Variants in SEMA3A observed in about 807,000 individuals in gnomAD.
SEMA3A encodes the protein semaphorin-3A.
A neutral mutation model predicts 97.9 loss-of-function variants in SEMA3A; 29 were observed. The ratio of observed to expected loss-of-function variants is 0.30; its 90% CI spans 0.22 to 0.40. The LOEUF is 0.40. Among genes scored for constraint, SEMA3A ranks in the 10% least tolerant of loss-of-function variants. The pLI is 1.00. For synonymous variants in SEMA3A, 321 were observed against 323.7 expected (o/e 0.99, Z 0.09); for missense variants, 763 against 951.3 (o/e 0.80, Z 2.60).
chr7:84,257,595 T>C (rs1417333838), intron 3 of SEMA3A, among the ~76,000 whole-genome samples: 1 of 152,148 alleles, frequency 6.6e-6, no homozygotes, highest in African/African-American at 2.4e-5. Context: ...CTCTGAAACA[T>C]TAATCCCCAC....
chr7:84,462,345 A>G (rs1480858481), intron 1 of SEMA3A, among the ~76,000 whole-genome samples: 1 of 152,208 alleles, frequency 6.6e-6, no homozygotes, highest in Admixed American at 6.5e-5. Flanking sequence ...TTAATCAAGT[A>G]ACAAGAAATG....
chr7:84,216,913 T>A (rs1336764819), intron 3 of SEMA3A, among the ~76,000 whole-genome samples: 2 of 152,086 alleles, frequency 1.3e-5, no homozygotes, highest in Non-Finnish European at 2.9e-5. Context: ...AAAAATTGAG[T>A]CAAAAGAGCT....
At chr7:84,172,286 A>T (rs1050244427) in intron 1 of SEMA3A, among the ~76,000 whole-genome samples, 1 of 152,356 alleles carries the variant, frequency 6.6e-6, no homozygotes, top group East Asian at 1.9e-4. Context: ...ACATATATAT[A>T]ACAAGAGGGA....
chr7:84,453,143 T>C (rs1805600684), intron 1 of SEMA3A, among the ~76,000 whole-genome samples: 1 of 151,914 alleles, frequency 6.6e-6, no homozygotes, highest in Non-Finnish European at 1.5e-5. Flanking sequence ...CTTATACATA[T>C]CGAATACCTA....
intron 3 of SEMA3A, among the ~76,000 whole-genome samples, chr7:84,258,961 T>C (rs1799781074): frequency 6.6e-6 from 1 of 152,026 alleles, no homozygotes; most frequent in African/African-American, 2.4e-5. Flanking sequence ...TATATTTCCC[T>C]TGTTTCACAA....
At chr7:84,200,464 G>A (rs974266197) in intron 3 of SEMA3A, among the ~76,000 whole-genome samples, 2 of 152,068 alleles carry the variant, frequency 1.3e-5, no homozygotes, top group African/African-American at 2.4e-5. Flanking sequence ...TGGTAAGTTT[G>A]AGTGGAGGAT....
intron 6 of SEMA3A, among the ~76,000 whole-genome samples, chr7:84,017,534 T>C (rs1791156790): frequency 6.6e-6 from 1 of 152,218 alleles, no homozygotes; most frequent in African/African-American, 2.4e-5. Context: ...TCAAGAAATT[T>C]AGGTTATATC....
At chr7:84,194,423 G>A (rs191868182) in intron 1 of SEMA3A, 52 bp downstream of exon 1, 12 of 1,088,982 alleles carry the variant, frequency 1.1e-5, no homozygotes, top group South Asian at 2.6e-5. Context: ...AGGAATTAAG[G>A]GGGGGGGCGG....
intron 1 of SEMA3A, among the ~76,000 whole-genome samples, chr7:84,172,421 CTTTTCTTT>C (rs1797410773): frequency 6.6e-6 from 1 of 151,804 alleles, no homozygotes; most frequent in African/African-American, 2.4e-5. Context: ...GCCACTTTTT[CTTTTCTTT>C]TTTTCTTTTT....
At chr7:83,990,718 G>A (rs1789881317) in intron 12 of SEMA3A, among the ~76,000 whole-genome samples, 1 of 116,494 alleles carries the variant, frequency 8.6e-6, no homozygotes, top group Non-Finnish European at 1.8e-5. Flanking sequence ...TTTGGTTACT[G>A]TAGCCTTGTA....
In SEMA3A at chr7:83,991,192, T is replaced by A. The variant is rs563512108; in HGVS notation, c.1453-5715A>T. Reference sequence around the variant, plus strand: ...TTTGTATCCTGAGACTTTGCTGAAGTTGCTTATCAGCTTAAGGAGATTTTG... The same window carrying A: ...TTTGTATCCTGAGACTTTGCTGAAGATGCTTATCAGCTTAAGGAGATTTTG... On this transcript the variant is annotated intron_variant, in intron 12 of 16. Transcript: ENST00000265362. Among the ~76,000 whole-genome samples, 642 of 151,798 alleles carry A rather than the reference T, an allele frequency of 4.2e-3. 3 individuals are homozygous for A. The highest frequency in any genetic ancestry group is 0.015 in the African/African-American group (618 of 41,440).
chr7:84,426,942 G>A (rs74379211), intron 1 of SEMA3A, among the ~76,000 whole-genome samples: 3 of 152,090 alleles, frequency 2.0e-5, no homozygotes, highest in East Asian at 1.9e-4. Flanking sequence ...GCAAATTAAC[G>A]TATTACAGTA....
chr7:84,298,111 GA>G, intron 3 of SEMA3A, among the ~76,000 whole-genome samples: 1 of 152,232 alleles, frequency 6.6e-6, no homozygotes, highest in South Asian at 2.1e-4. Context: ...GGCCATAAAG[GA>G]GGGAGAACTG....
chr7:84,337,654 C>T (rs901985471), intron 2 of SEMA3A, among the ~76,000 whole-genome samples: 21 of 152,060 alleles, frequency 1.4e-4, no homozygotes, highest in African/African-American at 4.3e-4. Context: ...GTGTTGAGAT[C>T]TCAATGAAGC....
intron 3 of SEMA3A, among the ~76,000 whole-genome samples, chr7:84,244,176 T>C (rs1799428585): frequency 6.6e-6 from 1 of 151,834 alleles, no homozygotes; most frequent in African/African-American, 2.4e-5. Flanking sequence ...ATTGATCTAA[T>C]ATTGACAGTA....
chr7:84,445,020 T>G lies in SEMA3A; in HGVS notation c.-246+47440A>C, dbSNP rs575296460. On this transcript the variant is annotated intron_variant, in intron 1 of 3. Transcript: ENST00000424555. ...GCTCTGATAGAGGCTCTTTTAAAAC[T>G]GATATCTTCTTCTGAGTGCCTCAAA... Among the ~76,000 whole-genome samples, 6 of 152,298 alleles carry G rather than the reference T, an allele frequency of 3.9e-5. No individual in the cohort carries two copies. In the East Asian group the frequency reaches 9.7e-4, roughly 25 times the overall value.
intron 13 of SEMA3A, among the ~76,000 whole-genome samples, chr7:83,984,148 A>G (rs1267838019): frequency 1.3e-5 from 2 of 152,154 alleles, no homozygotes; most frequent in Non-Finnish European, 2.9e-5. Flanking sequence ...ATAGACGTGG[A>G]GTTAGTGCAA....
At chr7:84,167,436 C>T (rs1199458439) in intron 1 of SEMA3A, among the ~76,000 whole-genome samples, 1 of 152,260 alleles carries the variant, frequency 6.6e-6, no homozygotes, top group East Asian at 1.9e-4. Flanking sequence ...TATCATAACT[C>T]TTTTCAGTAG....
chr7:84,427,580 G>A (rs1037520104), intron 1 of SEMA3A, among the ~76,000 whole-genome samples: 1 of 138,548 alleles, frequency 7.2e-6, no homozygotes, highest in African/African-American at 2.7e-5. Context: ...GGAGGCGGAG[G>A]TTGCAGTGAG....
Sources: allele counts gnomAD v4.1 joint callset (sites outside exome capture counted in the v4.1 genomes callset), GRCh38; gene constraint gnomAD v4.1.1; transcripts MANE v1.5; gene names NCBI Gene and HGNC (gene_info 2026-07-23, HGNC 2026-07-21).